Variants in ADGRL4 observed in about 807,000 individuals in gnomAD.
ADGRL4 encodes the protein adhesion G protein-coupled receptor L4, also known as EGF, latrophilin and seven transmembrane domain containing 1.
ADGRL4 carries 90 observed loss-of-function variants against 74.8 expected under a neutral mutation model. That is an observed-to-expected ratio of 1.20 (90% CI 1.02 to 1.43). The LOEUF is 1.43. Among genes scored for constraint, ADGRL4 ranks in the 40% most tolerant of loss-of-function variants. The probability of loss-of-function intolerance (pLI) is 0.00; values close to 1 mark genes in which losing one functional copy is unlikely to be tolerated. For synonymous variants in ADGRL4, 311 were observed against 279.2 expected (o/e 1.11, Z -1.14); for missense variants, 881 against 814.3 (o/e 1.08, Z -1.00).
rs2100646731 is a variant in ADGRL4, at chr1:78,891,131, T to C, written c.*23A>G. On this transcript the variant is annotated 3_prime_UTR_variant, in exon 15 of 15. Coordinates refer to ENST00000370742, the MANE Select transcript of ADGRL4 (RefSeq NM_022159.4). ...TGGAATTTTTATTTTTGTGCAGTTG[T>C]AATTATCCACCATTCTCTATGTTTA... The C allele has an allele frequency of 6.2e-7, 1 of 1,609,692 alleles. No individual in the cohort carries two copies.
At position 78,926,920 on chromosome 1, in the gene ADGRL4, A is replaced by G; in HGVS notation, c.1049T>C (p.Leu350Pro). 6.2e-7 allele frequency: 1 copy of G among 1,610,074 alleles called. No individual in the cohort carries two copies. Among genetic ancestry groups the G allele is most frequent in the Non-Finnish European group, 8.5e-7 (1 of 1,177,246 alleles). ...ACTTAATGTAAATGTTATTTTTTCAAGTTCATATAATGTGGGTGGGTTTGA... is the reference window on the plus strand; with the variant it reads ...ACTTAATGTAAATGTTATTTTTTCAGGTTCATATAATGTGGGTGGGTTTGA... ...MSSNPPTLYE[L>P]EKITFTLSHR... The change falls in exon 8 of 15, where the codon CTT becomes CCT. Residue 350 changes from leucine (L) to proline (P), a missense_variant. Coordinates refer to ENST00000370742, the MANE Select transcript of ADGRL4 (RefSeq NM_022159.4).
intron 12 of ADGRL4, among the ~76,000 whole-genome samples, chr1:78,906,765 T>C (rs1648650502): frequency 6.6e-6 from 1 of 151,962 alleles, no homozygotes; most frequent in Admixed American, 6.6e-5. Flanking sequence ...TTAATATAAA[T>C]TTATATAAGT....
At chr1:78,952,497 A>T (rs1029985673) in intron 2 of ADGRL4, among the ~76,000 whole-genome samples, 1 of 151,984 alleles carries the variant, frequency 6.6e-6, no homozygotes, top group East Asian at 1.9e-4. Flanking sequence ...TTATTCTGTG[A>T]ATACCAAAGT....
intron 12 of ADGRL4, among the ~76,000 whole-genome samples, chr1:78,894,217 A>G (rs1015565503): frequency 5.3e-5 from 8 of 151,894 alleles, no homozygotes; most frequent in African/African-American, 1.4e-4. Flanking sequence ...AGTTTTATGT[A>G]GCCTCTCAAA....
chr1:78,938,391 A>C (rs995673216), intron 4 of ADGRL4, 112 bp from the exon 5 acceptor site: 1 of 713,586 alleles, frequency 1.4e-6, no homozygotes, highest in Admixed American at 3.7e-5. Context: ...TGGTCTACAC[A>C]TAAATAATAT....
At chr1:78,907,966 C>G (rs930869604) in intron 12 of ADGRL4, among the ~76,000 whole-genome samples, 1 of 151,888 alleles carries the variant, frequency 6.6e-6, no homozygotes, top group African/African-American at 2.4e-5. Context: ...ATACTTATTC[C>G]TTGGGAAGCC....
In ADGRL4 at chr1:78,895,606, G is replaced by A. The variant is rs139199298; in HGVS notation, c.1750-2417C>T. 1.5e-3 allele frequency among the ~76,000 whole-genome samples: 226 copies of A among 152,018 alleles called. 3 individuals are homozygous for A. The Middle Eastern group carries it at 0.034, about 23-fold the overall frequency. ...ATGCATTAGTAGATCAAATAATGAA[G>A]GGAAAAAAAGTATTCTACAGAGAAA... On this transcript the variant is annotated intron_variant, in intron 12 of 14. Transcript: ENST00000370742.
rs1166168645 is a variant in ADGRL4, at chr1:79,006,697, A to C, written c.-43T>G. On this transcript the variant is annotated 5_prime_UTR_variant, in exon 1 of 15. Transcript: ENST00000370742. ...GTGGCGGTGGCGGAGAGCGCGGCGG[A>C]GTGAGTGCGGCTGTGGACCCGGGAC... is the stretch of plus-strand genomic sequence containing the variant. 1 of 1,456,834 alleles carries C rather than the reference A, an allele frequency of 6.9e-7. No individual in the cohort carries two copies. The highest frequency in any genetic ancestry group is 9.0e-7 in the Non-Finnish European group (1 of 1,106,416). 90.2% of individuals were successfully genotyped at this position (1,456,834 alleles called of 1,614,324 possible). A position where few individuals can be genotyped will look rare whatever the true frequency, so the allele number is the denominator to read the frequency against.
intron 2 of ADGRL4, among the ~76,000 whole-genome samples, chr1:78,972,828 T>C (rs1386210802): frequency 6.6e-6 from 1 of 152,230 alleles, no homozygotes; most frequent in Non-Finnish European, 1.5e-5. Flanking sequence ...ATGTCTTTTG[T>C]ATCACAGTGG....
At chr1:78,926,602 T>C (rs2100677158) in intron 8 of ADGRL4, among the ~76,000 whole-genome samples, 2 of 152,128 alleles carry the variant, frequency 1.3e-5, no homozygotes, top group East Asian at 3.9e-4. Flanking sequence ...TTCGAAACCA[T>C]GGATATTTCC....
At chr1:78,898,740 G>A (rs1320492959) in intron 12 of ADGRL4, among the ~76,000 whole-genome samples, 3 of 151,854 alleles carry the variant, frequency 2.0e-5, no homozygotes, top group Non-Finnish European at 4.4e-5. Flanking sequence ...GTCATTTTTT[G>A]TTTCATCTTA....
At chr1:78,923,477 G>A (rs1649043445) in intron 8 of ADGRL4, among the ~76,000 whole-genome samples, 1 of 151,962 alleles carries the variant, frequency 6.6e-6, no homozygotes, top group Non-Finnish European at 1.5e-5. Context: ...ACTGCCACAA[G>A]GTCAGGAGAG....
intron 2 of ADGRL4, among the ~76,000 whole-genome samples, chr1:78,956,473 A>C (rs1649831426): frequency 6.6e-6 from 1 of 152,164 alleles, no homozygotes; most frequent in East Asian, 1.9e-4. Flanking sequence ...CATCATACTG[A>C]TTAGTATGTG....
intron 2 of ADGRL4, among the ~76,000 whole-genome samples, chr1:78,997,746 T>C (rs1466822770): frequency 6.6e-6 from 1 of 152,146 alleles, no homozygotes; most frequent in African/African-American, 2.4e-5. Flanking sequence ...TAAATGACTC[T>C]CATATTTATA....
At chr1:78,941,740 C>T (rs1209191134) in intron 3 of ADGRL4, among the ~76,000 whole-genome samples, 1 of 152,170 alleles carries the variant, frequency 6.6e-6, no homozygotes, top group Non-Finnish European at 1.5e-5. Flanking sequence ...GCAGCAAGAT[C>T]CACACTAATT....
At chr1:78,950,635 A>G (rs1417749104) in intron 2 of ADGRL4, among the ~76,000 whole-genome samples, 1 of 152,184 alleles carries the variant, frequency 6.6e-6, no homozygotes, top group African/African-American at 2.4e-5. Context: ...AGATAAAGAA[A>G]AGAGGGTAGG....
intron 12 of ADGRL4, among the ~76,000 whole-genome samples, chr1:78,917,355 C>T (rs556831384): frequency 5.3e-5 from 8 of 151,160 alleles, no homozygotes; most frequent in African/African-American, 1.7e-4. Flanking sequence ...ATTGTAATAG[C>T]TTTGAATTTA....
chr1:78,904,300 C>A (rs1192265169), intron 12 of ADGRL4, among the ~76,000 whole-genome samples: 1 of 151,910 alleles, frequency 6.6e-6, no homozygotes, highest in Non-Finnish European at 1.5e-5. Flanking sequence ...TCATTTAAAC[C>A]AAGTATTGAA....
At chr1:78,980,294 G>A (rs559031536) in intron 2 of ADGRL4, among the ~76,000 whole-genome samples, 43 of 151,372 alleles carry the variant, frequency 2.8e-4, no homozygotes, top group African/African-American at 1.0e-3. Flanking sequence ...TTTACATTTC[G>A]ACATTTTCTC....
Sources: allele counts gnomAD v4.1 joint callset (sites outside exome capture counted in the v4.1 genomes callset), GRCh38; gene constraint gnomAD v4.1.1; transcripts MANE v1.5; gene names NCBI Gene and HGNC (gene_info 2026-07-23, HGNC 2026-07-21).